The following CHST8 variants were observed in gnomAD, a reference collection of about 807,000 sequenced individuals.
CHST8 encodes the protein GALNAC-4-ST1.
In CHST8, 10 loss-of-function variants were observed where a neutral mutation model predicts 15.0. The observed-to-expected ratio is 0.67, with a 90% CI of 0.41 to 1.13. CHST8 has a LOEUF of 1.13. Among genes scored for constraint, CHST8 ranks in the 50% most tolerant of loss-of-function variants. The pLI is 0.00. For missense variants in CHST8, 634 were observed against 608.2 expected, an observed-to-expected ratio of 1.04 and a Z score of -0.45; for synonymous variants, 259 against 256.6, an observed-to-expected ratio of 1.01 and a Z score of -0.09.
Position 33,743,426 on chromosome 19 carries a change from C to T in CHST8, c.131-27987C>T, listed in dbSNP as rs556844270. ...ATGCCATTCTCCTGCCTCAGCCTCC[C>T]GAGTAGCTGGGACTACAGGCGCCCA... On this transcript the variant is annotated intron_variant, in intron 3 of 4. Coordinates refer to ENST00000650847, the MANE Select transcript of CHST8 (RefSeq NM_001127895.2). 4.6e-5 allele frequency among the ~76,000 whole-genome samples: 7 copies of T among 151,980 alleles called. No homozygotes were observed. The South Asian group carries it at 1.2e-3, about 27-fold the overall frequency.
chr19:33,652,372 CTT>C (rs971053736), intron 1 of CHST8, among the ~76,000 whole-genome samples: 1,903 of 100,410 alleles, frequency 0.019, 23 homozygotes, highest in African/African-American at 0.069. Context: ...TTTTCTCTCT[CTT>C]TTTTTTTTTT....
chr19:33,680,404 A>G (rs1276984600), intron 2 of CHST8, among the ~76,000 whole-genome samples: 1 of 152,182 alleles, frequency 6.6e-6, no homozygotes, highest in Non-Finnish European at 1.5e-5. Flanking sequence ...GGCCCTGAAA[A>G]TCTGTGCTGC....
chr19:33,699,231 G>T (rs1293883580), intron 3 of CHST8, among the ~76,000 whole-genome samples: 4 of 152,150 alleles, frequency 2.6e-5, no homozygotes, highest in Non-Finnish European at 5.9e-5. Context: ...CAGGGGAGGG[G>T]TGCACAGGGA....
chr19:33,723,013 A>G (rs2145313174), intron 3 of CHST8, among the ~76,000 whole-genome samples: 1 of 152,296 alleles, frequency 6.6e-6, no homozygotes. Flanking sequence ...ACAAGAAGAC[A>G]ACGTCAGAGG....
At chr19:33,747,366 TC>T (rs566723289) in intron 3 of CHST8, among the ~76,000 whole-genome samples, 47 of 152,190 alleles carry the variant, frequency 3.1e-4, no homozygotes, top group African/African-American at 1.1e-3. Context: ...GGCGACACCT[TC>T]CCCCTGGAGT....
In CHST8 at chr19:33,772,099, G is replaced by T. The variant is rs753922446; in HGVS notation, c.311G>T (p.Arg104Leu). 7 of 1,611,824 alleles carry T rather than the reference G, an allele frequency of 4.3e-6. No homozygotes were observed. The South Asian group carries it at 7.7e-5, about 18-fold the overall frequency. The change falls in exon 5 of 5, where the codon CGT (arginine) becomes CTT (leucine). Residue 104 changes from arginine to leucine, a missense_variant. Physicochemically the swap from Arg to Leu is moderately radical, Grantham distance 102. Coordinates refer to ENST00000650847, the MANE Select transcript of CHST8 (RefSeq NM_001127895.2). ...CAACCCCCGCTGCAGAGGGGAACCC[G>T]TCTGCGGCTCCGCCAGCGCCGTCGC... ...QPQPPLQRGTRLRLRQRRRRL... is the reference protein window; with the variant it reads ...QPQPPLQRGTLLRLRQRRRRL...
chr19:33,666,306 G>A (rs1352241441), intron 1 of CHST8, among the ~76,000 whole-genome samples: 1 of 152,132 alleles, frequency 6.6e-6, no homozygotes, highest in Non-Finnish European at 1.5e-5. Flanking sequence ...TGTGTGTGTG[G>A]ACCCTGCAAA....
rs185962600 is a variant in CHST8, at chr19:33,716,160, C to A, written c.130+26769C>A. On this transcript the variant is annotated intron_variant, in intron 3 of 4. Coordinates refer to ENST00000650847, the MANE Select transcript of CHST8 (RefSeq NM_001127895.2). ...TTTCAGTGTTCGTTGTAAAGATGCA[C>A]CATTAGTTTATTTAGCCAGCTCCTT... 5.1e-4 allele frequency among the ~76,000 whole-genome samples: 77 copies of A among 152,252 alleles called. 1 individual carries two copies. Among genetic ancestry groups the A allele is most frequent in the Admixed American group, 1.8e-3 (28 of 15,300 alleles).
intron 1 of CHST8, among the ~76,000 whole-genome samples, chr19:33,625,340 C>A (rs1458705129): frequency 1.6e-5 from 2 of 122,486 alleles, no homozygotes; most frequent in African/African-American, 5.3e-5. Flanking sequence ...CTTGGCCTCC[C>A]AGAGTGTTGG....
intron 1 of CHST8, among the ~76,000 whole-genome samples, chr19:33,624,995 C>G (rs914750551): frequency 6.6e-6 from 1 of 152,174 alleles, no homozygotes; most frequent in Non-Finnish European, 1.5e-5. Flanking sequence ...CCCTGATTTA[C>G]TGGTGCGTGG....
intron 3 of CHST8, among the ~76,000 whole-genome samples, chr19:33,705,907 G>A (rs1186252836): frequency 6.6e-6 from 1 of 152,194 alleles, no homozygotes; most frequent in Non-Finnish European, 1.5e-5. Flanking sequence ...TGTGGTATGG[G>A]CAATGATGAT....
At chr19:33,690,415 G>GC (rs2145259230) in intron 3 of CHST8, among the ~76,000 whole-genome samples, 1 of 152,256 alleles carries the variant, frequency 6.6e-6, no homozygotes, top group East Asian at 1.9e-4. Flanking sequence ...CAACCGCTCC[G>GC]CCCCCATTAT....
chr19:33,662,983 T>G (rs1002757077), intron 1 of CHST8, among the ~76,000 whole-genome samples: 1 of 152,032 alleles, frequency 6.6e-6, no homozygotes, highest in Admixed American at 6.5e-5. Context: ...GAGTCATGGA[T>G]CTTAGGGACT....
chr19:33,703,303 C>G (rs1290277273), intron 3 of CHST8, among the ~76,000 whole-genome samples: 1 of 152,072 alleles, frequency 6.6e-6, no homozygotes, highest in Non-Finnish European at 1.5e-5. Context: ...CCGGTGGGGT[C>G]CCACCGTGTG....
chr19:33,669,489 T>A (rs531158970), intron 2 of CHST8, among the ~76,000 whole-genome samples: 11 of 152,346 alleles, frequency 7.2e-5, no homozygotes, highest in Middle Eastern at 3.4e-3. Flanking sequence ...AAATTTATTC[T>A]AAAACCTGTG....
At chr19:33,674,460 G>T (rs16968366) in intron 2 of CHST8, among the ~76,000 whole-genome samples, 13,740 of 152,206 alleles carry the variant, frequency 0.09, 1,125 homozygotes, top group African/African-American at 0.21. Flanking sequence ...TTTGCATATG[G>T]CTTTTACAAG....
intron 3 of CHST8, among the ~76,000 whole-genome samples, chr19:33,713,711 C>T (rs1399272003): frequency 1.3e-5 from 2 of 152,132 alleles, no homozygotes; most frequent in African/African-American, 2.4e-5. Context: ...CAGGTACCTG[C>T]CACCACGCCC....
intron 1 of CHST8, among the ~76,000 whole-genome samples, chr19:33,645,893 A>T (rs1378763528): frequency 6.6e-6 from 1 of 152,092 alleles, no homozygotes; most frequent in Non-Finnish European, 1.5e-5. Context: ...TTGGGAGGCC[A>T]TGGTGGGTGA....
At chr19:33,694,478 C>G (rs979535367) in intron 3 of CHST8, among the ~76,000 whole-genome samples, 1 of 151,860 alleles carries the variant, frequency 6.6e-6, no homozygotes, top group African/African-American at 2.4e-5. Context: ...ACTCCTAGGT[C>G]TGTGGCCTGT....
Sources: allele counts gnomAD v4.1 joint callset (sites outside exome capture counted in the v4.1 genomes callset), GRCh38; gene constraint gnomAD v4.1.1; transcripts MANE v1.5; gene names NCBI Gene and HGNC (gene_info 2026-07-23, HGNC 2026-07-21).